CEP44: variants seen among roughly 807,000 people sequenced by gnomAD.
CEP44 encodes the protein centrosomal protein 44, also known as centrosomal protein of 44 kDa.
In CEP44, 45 loss-of-function variants were observed where a neutral mutation model predicts 46.7. The observed-to-expected ratio is 0.96, with a 90% CI of 0.76 to 1.24. The LOEUF is 1.24. CEP44 is among the 50% of genes most tolerant of loss of function. The pLI is 0.00. For missense variants in CEP44, 475 were observed against 459.7 expected (o/e 1.03, Z -0.30); for synonymous variants, 142 against 146.0 (o/e 0.97, Z 0.20).
At chr4:174,323,632 G>A (rs1231024406), downstream of CEP44, among the ~76,000 whole-genome samples, 1 of 152,128 alleles carries the variant, frequency 6.6e-6, no homozygotes, top group Non-Finnish European at 1.5e-5. Context: ...GCAGTCCAAT[G>A]CATGGAAAAA....
Position 174,301,385 on chromosome 4 carries a change from T to C in CEP44, c.90-654T>C, listed in dbSNP as rs1285698351. Among the ~76,000 whole-genome samples the C allele has an allele frequency of 6.6e-6, 1 of 152,040 alleles. No homozygotes were observed. Among genetic ancestry groups the C allele is most frequent in the Non-Finnish European group, 1.5e-5 (1 of 67,958 alleles). ...TCTTTCTTGGAGAGATCAGTATAGA[T>C]CAGAAAGTTGAGGAAAGCTTCATGG... On this transcript the variant is annotated intron_variant, in intron 3 of 11. Coordinates refer to ENST00000503780, the MANE Select transcript of CEP44 (RefSeq NM_001040157.3). This position sits in a 1 kb window ranked among gnomAD's most constrained non-coding sequence, Gnocchi z 4.3.
Position 174,310,532 on chromosome 4 carries a change from T to A in CEP44, c.886-251T>A, listed in dbSNP as rs548235349. On this transcript the variant is annotated intron_variant, in intron 8 of 11. Coordinates refer to ENST00000503780, the MANE Select transcript of CEP44 (RefSeq NM_001040157.3). This position sits in a 1 kb window ranked among gnomAD's most constrained non-coding sequence, Gnocchi z 4.2. Reference sequence around the variant, plus strand: ...CAAATCTGAGAAATTTGTTTTTTTTTACTCAGGATTTCAATTTCTGGTCTG... The same window carrying A: ...CAAATCTGAGAAATTTGTTTTTTTTAACTCAGGATTTCAATTTCTGGTCTG... Among the ~76,000 whole-genome samples the A allele has an allele frequency of 3.9e-5, 6 of 151,932 alleles. No homozygotes were observed. Among genetic ancestry groups the A allele is most frequent in the African/African-American group, 1.4e-4 (6 of 41,434 alleles).
intron 1 of CEP44, among the ~76,000 whole-genome samples, chr4:174,292,593 C>T (rs1208947559): frequency 6.6e-6 from 1 of 152,096 alleles, no homozygotes; most frequent in East Asian, 1.9e-4. Flanking sequence ...TGTATAATTT[C>T]ATATGACCGG....
chr4:174,316,569 T>C lies in CEP44; in HGVS notation c.1124+2T>C. Reference sequence around the variant, plus strand: ...GAAAATGGAAAGGATGAAAAAAATGTAAGTAACAGAAAGGGGCAACAGAAA... The same window carrying C: ...GAAAATGGAAAGGATGAAAAAAATGCAAGTAACAGAAAGGGGCAACAGAAA... On this transcript the variant is annotated splice_donor_variant, in intron 11 of 11. Coordinates refer to ENST00000503780, the MANE Select transcript of CEP44 (RefSeq NM_001040157.3). LOFTEE classifies it high-confidence loss of function. 6.3e-7 allele frequency: 1 copy of C among 1,590,230 alleles called. No individual in the cohort carries two copies. Among genetic ancestry groups the C allele is most frequent in the Non-Finnish European group, 8.6e-7 (1 of 1,165,788 alleles).
chr4:174,308,429 G>C (rs1218810364), intron 6 of CEP44, among the ~76,000 whole-genome samples: 1 of 152,082 alleles, frequency 6.6e-6, no homozygotes, highest in Non-Finnish European at 1.5e-5. Flanking sequence ...TAAATGATGA[G>C]ATCACATGGA....
chr4:174,323,253 G>A (rs1010658149), downstream of CEP44, among the ~76,000 whole-genome samples: 1 of 152,136 alleles, frequency 6.6e-6, no homozygotes, highest in Non-Finnish European at 1.5e-5. Context: ...GCCTGAAGCA[G>A]CAGCTGCCCT....
rs1741121593 is a variant in CEP44, at chr4:174,311,894, T to G, written c.961+1036T>G. ...GTGATTAGCTTGTTAAGTATAATTA[T>G]TTGAGATGCTATTTAAGGCAACTAA... On this transcript the variant is annotated intron_variant, in intron 9 of 11. Transcript: ENST00000503780. The surrounding 1 kb of genome is among the most constrained non-coding windows in gnomAD (Gnocchi z 4.4). Among the ~76,000 whole-genome samples the G allele has an allele frequency of 6.6e-6, 1 of 152,218 alleles. No individual in the cohort carries two copies. The highest frequency in any genetic ancestry group is 6.5e-5 in the Admixed American group (1 of 15,282).
At chr4:174,308,659 A>C in intron 6 of CEP44, 30 bp from the exon 7 acceptor site, 2 of 1,564,182 alleles carry the variant, frequency 1.3e-6, no homozygotes, top group Non-Finnish European at 1.7e-6. Context: ...AAAACATTGA[A>C]GTGTTTCTTA....
At chr4:174,322,986 T>G (rs1742418552), downstream of CEP44, among the ~76,000 whole-genome samples, 1 of 152,126 alleles carries the variant, frequency 6.6e-6, no homozygotes, top group Non-Finnish European at 1.5e-5. Flanking sequence ...TTTAATGATA[T>G]TTTTGAAAAG....
At position 174,303,813 on chromosome 4, in the gene CEP44, G is replaced by C. The variant is rs1560902067; in HGVS notation, c.348G>C (p.Val116=). The C allele has an allele frequency of 6.4e-7, 1 of 1,570,984 alleles. No individual in the cohort carries two copies. ...IQIVCDILNC[V]MKKHKELSSL... ...TTGTTTGTGATATTTTGAATTGTGT[G>C]ATGAAAAAGCACAAGGAATTAAGCA... Residue 116 remains valine (V), a synonymous_variant, in exon 5 of 12, where the codon GTG becomes GTC. Transcript: ENST00000503780.
In CEP44 at chr4:174,308,679, C is replaced by T; in HGVS notation, c.508-10C>T. ...ATTGAAGTGTTTCTTACATATTTTT[C>T]TCTATGCAGAAGAAAGCTGTGGTGA... is the stretch of plus-strand genomic sequence containing the variant. On this transcript the variant is annotated splice_polypyrimidine_tract_variant and intron_variant, in intron 6 of 11. Coordinates refer to ENST00000503780, the MANE Select transcript of CEP44 (RefSeq NM_001040157.3). The T allele has an allele frequency of 6.3e-7, 1 of 1,577,744 alleles. No homozygotes were observed. The highest frequency in any genetic ancestry group is 8.6e-7 in the Non-Finnish European group (1 of 1,161,528).
In CEP44 at chr4:174,290,770, C is replaced by T. The variant is rs557360295; in HGVS notation, c.-148+6827C>T. On this transcript the variant is annotated intron_variant, in intron 1 of 11. Coordinates refer to ENST00000503780, the MANE Select transcript of CEP44 (RefSeq NM_001040157.3). This position sits in a 1 kb window ranked among gnomAD's most constrained non-coding sequence, Gnocchi z 4.3. ...ATCAAAGTCTCCTTCTATATTGTAT[C>T]GATATCTATTTCTTCCTTCAAATCT... Among the ~76,000 whole-genome samples the T allele has an allele frequency of 4.6e-5, 7 of 152,086 alleles. No homozygotes were observed. Among genetic ancestry groups the T allele is most frequent in the Non-Finnish European group, 8.8e-5 (6 of 68,002 alleles).
chr4:174,311,296 A>G lies in CEP44; in HGVS notation c.961+438A>G, dbSNP rs763583107. ...GTGAATAGTTCACTGATAATGATAA[A>G]ATGGGAAAGATCTGATATTAGGATA... is the stretch of plus-strand genomic sequence containing the variant. On this transcript the variant is annotated intron_variant, in intron 9 of 11. Coordinates refer to ENST00000503780, the MANE Select transcript of CEP44 (RefSeq NM_001040157.3). The surrounding 1 kb of genome is among the most constrained non-coding windows in gnomAD (Gnocchi z 4.4). 1.7e-4 allele frequency among the ~76,000 whole-genome samples: 26 copies of G among 152,048 alleles called. No homozygotes were observed. Among genetic ancestry groups the G allele is most frequent in the Non-Finnish European group, 3.1e-4 (21 of 67,928 alleles).
rs977099524 is a variant in CEP44, at chr4:174,311,801, T to G, written c.961+943T>G. Among the ~76,000 whole-genome samples, 1 of 152,206 alleles carries G rather than the reference T, an allele frequency of 6.6e-6. No individual in the cohort carries two copies. The highest frequency in any genetic ancestry group is 1.5e-5 in the Non-Finnish European group (1 of 68,030). ...CAAATTTGAATCCAGGCAACTGATC[T>G]GAAGTTTTTTCTTGACTGCTGCATA... On this transcript the variant is annotated intron_variant, in intron 9 of 11. Transcript: ENST00000503780. This position sits in a 1 kb window ranked among gnomAD's most constrained non-coding sequence, Gnocchi z 4.4.
intron 9 of CEP44, among the ~76,000 whole-genome samples, chr4:174,313,185 A>G (rs923419853): frequency 6.6e-6 from 1 of 152,098 alleles, no homozygotes; most frequent in African/African-American, 2.4e-5. Flanking sequence ...TCGGACATGA[A>G]TGGTGGTTTT....
rs1740891596 is a variant in CEP44, at chr4:174,310,028, T to C, written c.857T>C (p.Leu286Pro). 1 of 1,612,088 alleles carries C rather than the reference T, an allele frequency of 6.2e-7. No individual in the cohort carries two copies. The highest frequency in any genetic ancestry group is 1.7e-5 in the Admixed American group (1 of 59,852). The change falls in exon 8 of 12, where the codon CTT (leucine) becomes CCT (proline). Residue 286 changes from leucine (L) to proline (P), a missense_variant. By Grantham distance (98) the Leu-to-Pro change is moderately conservative. Coordinates refer to ENST00000503780, the MANE Select transcript of CEP44 (RefSeq NM_001040157.3). The surrounding 1 kb of genome is among the most constrained non-coding windows in gnomAD (Gnocchi z 4.2). ...AATCTTCTTAGTCGTGTCACTCTTC[T>C]TGAAACAGAAATGCTTTTGTCTAAA... Reference protein sequence around the residue: ...WTNLLSRVTLLETEMLLSKKN... With the variant: ...WTNLLSRVTLPETEMLLSKKN...
chr4:174,297,599 G>T lies in CEP44; in HGVS notation c.-147-367G>T, dbSNP rs939836445. 6.6e-5 allele frequency among the ~76,000 whole-genome samples: 10 copies of T among 152,056 alleles called. No homozygotes were observed. The highest frequency in any genetic ancestry group is 2.4e-4 in the African/African-American group (10 of 41,388). On this transcript the variant is annotated intron_variant, in intron 1 of 11. Coordinates refer to ENST00000503780, the MANE Select transcript of CEP44 (RefSeq NM_001040157.3). This position sits in a 1 kb window ranked among gnomAD's most constrained non-coding sequence, Gnocchi z 4.3. Reference sequence around the variant, plus strand: ...GAACCTGATAGTCTGCTGTCACAGAGGATGTAAGTCTAACAGCTTCTTGAG... The same window carrying T: ...GAACCTGATAGTCTGCTGTCACAGATGATGTAAGTCTAACAGCTTCTTGAG...
chr4:174,298,076 T>G lies in CEP44; in HGVS notation c.-51+14T>G, dbSNP rs1739260925. 6.6e-6 allele frequency: 1 copy of G among 152,254 alleles called. No individual in the cohort carries two copies. The highest frequency in any genetic ancestry group is 2.4e-5 in the African/African-American group (1 of 41,444). 9.4% of individuals were successfully genotyped at this position (152,254 alleles called of 1,614,324 possible). ...GTGCTCTGCTAGGTTGGTTATCCCT[T>G]ATTCATTTGCTTTTCATTTTCCAAA... On this transcript the variant is annotated intron_variant, in intron 2 of 11. Coordinates refer to ENST00000503780, the MANE Select transcript of CEP44 (RefSeq NM_001040157.3).
rs1255703440 is a variant in CEP44 at position 174,329,206 on chromosome 4, C to T, written c.1087-2276C>T. On this transcript the variant is annotated intron_variant, in intron 8 of 8. Coordinates refer to the CEP44 transcript ENST00000426172. The surrounding 1 kb of genome is among the most constrained non-coding windows in gnomAD (Gnocchi z 4.0). ...CCTCAAGCAATCTTCCTACCTCATC[C>T]TCTGAAAGTGTTGAGATTACAGGTA... Among the ~76,000 whole-genome samples the T allele has an allele frequency of 6.6e-6, 1 of 152,058 alleles. No individual in the cohort carries two copies. The highest frequency in any genetic ancestry group is 6.6e-5 in the Admixed American group (1 of 15,252).
Sources: gnomAD v4.1 joint callset for allele counts (sites outside exome capture counted in the v4.1 genomes callset) on GRCh38, gnomAD v4.1.1 for gene constraint, Gnocchi (gnomAD v3.1) non-coding constraint, MANE v1.5 for transcripts, NCBI Gene and HGNC (gene_info 2026-07-23, HGNC 2026-07-21) for gene names.